Variants in PLXNA2 observed in about 807,000 individuals in gnomAD.
PLXNA2 encodes plexin A2.
Under a neutral mutation model 193.5 loss-of-function variants are expected in PLXNA2, and 91 were observed. That is an observed-to-expected ratio of 0.47 (90% CI 0.40 to 0.56). The LOEUF is 0.56. PLXNA2 is among the 20% of genes least tolerant of loss of function. The probability of loss-of-function intolerance (pLI) is 0.00; values close to 1 mark genes in which losing one functional copy is unlikely to be tolerated. For synonymous variants in PLXNA2, 997 were observed against 1,027.3 expected, an observed-to-expected ratio of 0.97 and a Z score of 0.56; for missense variants, 1,995 against 2,503.2, an observed-to-expected ratio of 0.80 and a Z score of 4.33.
chr1:208,125,028 T>C (rs566609366), intron 4 of PLXNA2, among the ~76,000 whole-genome samples: 1 of 152,234 alleles, frequency 6.6e-6, no homozygotes, highest in African/African-American at 2.4e-5. Context: ...GTTTTCTCAA[T>C]GGATACTGTG....
intron 13 of PLXNA2, among the ~76,000 whole-genome samples, chr1:208,057,427 A>G (rs1665466996): frequency 6.6e-6 from 1 of 152,234 alleles, no homozygotes; most frequent in African/African-American, 2.4e-5. Flanking sequence ...TGGATATGGC[A>G]GCAATGGTAG....
chr1:208,088,319 G>C (rs1666600246), intron 9 of PLXNA2, among the ~76,000 whole-genome samples: 1 of 152,170 alleles, frequency 6.6e-6, no homozygotes. Context: ...CTGTGCTGGG[G>C]ACCCTTTAGC....
intron 24 of PLXNA2, 85 bp from the exon 25 acceptor site, chr1:208,039,069 T>C: frequency 7.8e-7 from 1 of 1,283,274 alleles, no homozygotes; most frequent in South Asian, 1.5e-5. Context: ...AATCTTCTTT[T>C]TCCAAAGTTC....
At chr1:208,185,979 C>T (rs573911833) in intron 3 of PLXNA2, among the ~76,000 whole-genome samples, 1 of 152,178 alleles carries the variant, frequency 6.6e-6, no homozygotes, top group East Asian at 1.9e-4. Context: ...TGTAGCCCTC[C>T]CTGCAATGAC....
chr1:208,199,766 T>C (rs1489362734), intron 3 of PLXNA2, among the ~76,000 whole-genome samples: 1 of 152,046 alleles, frequency 6.6e-6, no homozygotes, highest in African/African-American at 2.4e-5. Flanking sequence ...AAAACCTGGG[T>C]TCCAGTCTTG....
At chr1:208,211,346 A>C (rs2102601295) in intron 2 of PLXNA2, among the ~76,000 whole-genome samples, 1 of 152,164 alleles carries the variant, frequency 6.6e-6, no homozygotes, top group East Asian at 1.9e-4. Flanking sequence ...TCCATAATGT[A>C]TCTGTCAGCA....
At chr1:208,097,573 C>T (rs781401071) in intron 6 of PLXNA2, among the ~76,000 whole-genome samples, 4 of 152,156 alleles carry the variant, frequency 2.6e-5, no homozygotes, top group Non-Finnish European at 4.4e-5. Flanking sequence ...CAGCGGTTTT[C>T]AGCTTTTTTG....
intron 8 of PLXNA2, among the ~76,000 whole-genome samples, chr1:208,093,208 G>A (rs2498021): frequency 0.14 from 21,758 of 152,248 alleles, 1,825 homozygotes; most frequent in East Asian, 0.33. Context: ...AGACATCATG[G>A]TGGTAGTTTG....
intron 14 of PLXNA2, 100 bp from the exon 15 acceptor site, chr1:208,052,563 C>T (rs112060174): frequency 4.7e-5 from 57 of 1,203,140 alleles, no homozygotes; most frequent in African/African-American, 2.3e-4. Flanking sequence ...TCATTCTGGG[C>T]GTGGTGGTAC....
In PLXNA2 at chr1:208,082,805, A is replaced by G. The variant is rs1440643656; in HGVS notation, c.2299-297T>C. ...CCCTCTCTGTCTTTGTTGAGTTCCT[A>G]TCTCATAAGGAATGCAACCGTCTCC... On this transcript the variant is annotated intron_variant, in intron 10 of 31. Coordinates refer to ENST00000367033, the MANE Select transcript of PLXNA2 (RefSeq NM_025179.4). This position sits in a 1 kb window ranked among gnomAD's most constrained non-coding sequence, Gnocchi z 4.2. Among the ~76,000 whole-genome samples, 2 of 151,974 alleles carry G rather than the reference A, an allele frequency of 1.3e-5. No homozygotes were observed. Among genetic ancestry groups the G allele is most frequent in the East Asian group, 1.9e-4 (1 of 5,180 alleles).
chr1:208,144,646 C>A (rs1668553946), intron 3 of PLXNA2, among the ~76,000 whole-genome samples: 1 of 152,178 alleles, frequency 6.6e-6, no homozygotes, highest in Admixed American at 6.5e-5. Flanking sequence ...TGGGCCTGAA[C>A]TTAAGGAGGT....
At chr1:208,030,303 G>A in intron 29 of PLXNA2, 1 of 985,500 alleles carries the variant, frequency 1.0e-6, no homozygotes, top group Non-Finnish European at 1.2e-6. Context: ...ACGATGCCAG[G>A]GTAGTCCATT....
At chr1:208,061,402 C>G (rs1033023205) in intron 12 of PLXNA2, among the ~76,000 whole-genome samples, 4 of 151,922 alleles carry the variant, frequency 2.6e-5, no homozygotes, top group African/African-American at 7.3e-5. Flanking sequence ...AACTTAGAGT[C>G]GAGGATGAGA....
chr1:208,174,404 G>A (rs571793652), intron 3 of PLXNA2, among the ~76,000 whole-genome samples: 6 of 149,606 alleles, frequency 4.0e-5, no homozygotes, highest in South Asian at 2.1e-4. Flanking sequence ...ATAAGGAGAC[G>A]CCGCGGGTGG....
At chr1:208,231,117 G>A (rs1466614933) in intron 1 of PLXNA2, among the ~76,000 whole-genome samples, 1 of 152,128 alleles carries the variant, frequency 6.6e-6, no homozygotes, top group Non-Finnish European at 1.5e-5. Context: ...GGACCTCTTG[G>A]ATCCCTCAGC....
At chr1:208,102,957 C>T (rs1667143014) in intron 5 of PLXNA2, among the ~76,000 whole-genome samples, 190 bp downstream of exon 5, 1 of 152,224 alleles carries the variant, frequency 6.6e-6, no homozygotes, top group South Asian at 2.1e-4. Context: ...GGCAAAGACC[C>T]TGCACTTAGA....
chr1:208,210,565 A>T, intron 2 of PLXNA2, 103 bp from the exon 3 acceptor site: 1 of 1,001,990 alleles, frequency 1.0e-6, no homozygotes, highest in Non-Finnish European at 1.4e-6. Context: ...ACCAGGCCTC[A>T]GAGAGGCAGA....
chr1:208,063,247 G>A (rs140907264), intron 12 of PLXNA2, among the ~76,000 whole-genome samples: 3,924 of 152,302 alleles, frequency 0.026, 63 homozygotes, highest in South Asian at 0.046. Flanking sequence ...GGTAGCATGT[G>A]GGGACCGCAT....
intron 1 of PLXNA2, among the ~76,000 whole-genome samples, chr1:208,224,113 A>G (rs1255964979): frequency 2.0e-5 from 3 of 152,200 alleles, no homozygotes; most frequent in African/African-American, 4.8e-5. Context: ...GAGGTAGTCC[A>G]GGCACGTTGG....
Sources: allele counts gnomAD v4.1 joint callset (sites outside exome capture counted in the v4.1 genomes callset), GRCh38; gene constraint gnomAD v4.1.1; non-coding constraint Gnocchi (gnomAD v3.1); transcripts MANE v1.5; gene names NCBI Gene and HGNC (gene_info 2026-07-23, HGNC 2026-07-21).